FAM167A: variants seen among roughly 807,000 people sequenced by gnomAD.
FAM167A encodes the protein family with sequence similarity 167 member A, also known as protein FAM167A.
A neutral mutation model predicts 14.9 loss-of-function variants in FAM167A; 23 were observed. The observed-to-expected ratio is 1.55, with a 90% CI of 1.11 to 2.19. The LOEUF (loss-of-function observed/expected upper bound fraction) is 2.19. FAM167A is among the 30% of genes most tolerant of loss of function. FAM167A has a pLI of 0.00. For synonymous variants in FAM167A, 174 were observed against 117.7 expected (o/e 1.48, Z -3.10); for missense variants, 401 against 281.5 (o/e 1.42, Z -3.04).
At chr8:11,439,606 G>T (rs561147085) in intron 2 of FAM167A, among the ~76,000 whole-genome samples, 2 of 152,260 alleles carry the variant, frequency 1.3e-5, no homozygotes, top group South Asian at 2.1e-4. Flanking sequence ...TCCTTGGTGC[G>T]GGGGGAGGGA....
intron 1 of FAM167A, among the ~76,000 whole-genome samples, chr8:11,448,210 A>G (rs1232341703): frequency 6.6e-6 from 1 of 151,804 alleles, no homozygotes; most frequent in Non-Finnish European, 1.5e-5. Flanking sequence ...AAAAAAAAAA[A>G]AAGTTCTAAG....
intron 2 of FAM167A, among the ~76,000 whole-genome samples, chr8:11,431,407 C>T (rs1020021589): frequency 3.3e-5 from 5 of 152,142 alleles, no homozygotes; most frequent in Admixed American, 6.5e-5. Flanking sequence ...GGGGAGTTAG[C>T]GTTTAGTGAG....
intron 1 of FAM167A, among the ~76,000 whole-genome samples, chr8:11,448,056 T>G (rs1359952244): frequency 6.6e-6 from 1 of 152,034 alleles, no homozygotes; most frequent in Non-Finnish European, 1.5e-5. Context: ...TAGCTGGGCG[T>G]AGTGGCGCAC....
chr8:11,470,890 C>T (rs993089303), upstream of FAM167A, among the ~76,000 whole-genome samples: 1 of 152,104 alleles, frequency 6.6e-6, no homozygotes, highest in Non-Finnish European at 1.5e-5. Context: ...GCTGCAATGG[C>T]TCCTCCCTGC....
upstream of FAM167A, among the ~76,000 whole-genome samples, chr8:11,469,917 T>TAAAA (rs1457436423): frequency 7.0e-6 from 1 of 143,730 alleles, no homozygotes; most frequent in Non-Finnish European, 1.6e-5. Context: ...AATAAATAAA[T>TAAAA]AAATAAAAGA....
At chr8:11,445,324 C>A (rs9792227) in intron 1 of FAM167A, 330,904 of 985,812 alleles carry the variant, frequency 0.34, 56,458 homozygotes, top group East Asian at 0.66. Flanking sequence ...CCCCTCACCA[C>A]CTCCACCCAC....
At chr8:11,446,806 C>G (rs905868715) in intron 1 of FAM167A, among the ~76,000 whole-genome samples, 26 of 152,218 alleles carry the variant, frequency 1.7e-4, no homozygotes, top group African/African-American at 6.3e-4. Context: ...CAGCTGCTTT[C>G]TGGGGCCCCT....
intron 1 of FAM167A, among the ~76,000 whole-genome samples, chr8:11,464,843 G>A (rs954593791): frequency 6.6e-6 from 1 of 152,126 alleles, no homozygotes; most frequent in African/African-American, 2.4e-5. Flanking sequence ...ATTGGCCTGG[G>A]GCTCTGTGGC....
intron 2 of FAM167A, among the ~76,000 whole-genome samples, chr8:11,440,153 G>A (rs1053446835): frequency 5.3e-5 from 8 of 152,218 alleles, no homozygotes; most frequent in Non-Finnish European, 1.2e-4. Flanking sequence ...CCCTGAGCCA[G>A]TGTCCCAGGA....
chr8:11,471,342 G>A (rs574221580), upstream of FAM167A, among the ~76,000 whole-genome samples: 95 of 152,296 alleles, frequency 6.2e-4, 2 homozygotes, highest in South Asian at 0.018. Flanking sequence ...AGGAAGGAGC[G>A]CATCACGGCT....
At chr8:11,457,531 C>G (rs1807382410) in intron 1 of FAM167A, among the ~76,000 whole-genome samples, 1 of 152,044 alleles carries the variant, frequency 6.6e-6, no homozygotes, top group Non-Finnish European at 1.5e-5. Context: ...GTGTGTCCCA[C>G]CCTTGAGGAT....
intron 2 of FAM167A, among the ~76,000 whole-genome samples, chr8:11,431,746 T>C (rs1429934998): frequency 2.6e-5 from 4 of 151,090 alleles, no homozygotes; most frequent in African/African-American, 4.9e-5. Context: ...GCCTGGACAG[T>C]TGGAGGGTGG....
chr8:11,422,371 G>GTGTGTGTGTGTGT lies in FAM167A; in HGVS notation c.*2001_*2002insACACACACACACA, dbSNP rs1563350099. The stretch of plus-strand genomic sequence containing the variant: ...GTTCTCTGTCGTGTGTGTGTGTGTG[G>GTGTGTGTGTGTGT]GGGTGTGTGTGTGTGTGTGTGTGTG... On this transcript the variant is annotated 3_prime_UTR_variant, in exon 3 of 3. Coordinates refer to ENST00000284486, the MANE Select transcript of FAM167A (RefSeq NM_053279.3). The GTGTGTGTGTGTGT allele has an allele frequency of 1.2e-5, 1 of 84,800 alleles. No individual in the cohort carries two copies. Among genetic ancestry groups the GTGTGTGTGTGTGT allele is most frequent in the Non-Finnish European group, 2.7e-5 (1 of 36,996 alleles). The allele number at this position is 84,800 out of a possible 1,614,324, so 5.3% of individuals were successfully genotyped here.
rs542141472 is a variant in FAM167A, at chr8:11,421,747, A to G, written c.*2626T>C. The G allele has an allele frequency of 1.3e-4, 50 of 398,990 alleles. No homozygotes were observed. The highest frequency in any genetic ancestry group is 8.8e-4 in the African/African-American group (43 of 48,714). 24.7% of individuals were successfully genotyped at this position (398,990 alleles called of 1,614,324 possible). ...AGTGTCGGTGGAGAGTTTGCGTTTT[A>G]CACCCAGCGATGCTTGGGGATGGCA... On this transcript the variant is annotated 3_prime_UTR_variant, in exon 3 of 3. Transcript: ENST00000284486.
At chr8:11,453,471 A>G (rs1194506183) in intron 1 of FAM167A, among the ~76,000 whole-genome samples, 1 of 152,234 alleles carries the variant, frequency 6.6e-6, no homozygotes, top group East Asian at 1.9e-4. Flanking sequence ...TGATTGTCCC[A>G]TTACACAGAT....
chr8:11,474,031 G>T (rs1036268457), intron 1 of FAM167A, among the ~76,000 whole-genome samples: 2 of 152,018 alleles, frequency 1.3e-5, no homozygotes, highest in African/African-American at 4.8e-5. Flanking sequence ...GCGCCACCAT[G>T]CCCGGCTAAT....
At chr8:11,471,758 C>A (rs899194042), upstream of FAM167A, among the ~76,000 whole-genome samples, 37 of 152,208 alleles carry the variant, frequency 2.4e-4, no homozygotes, top group Non-Finnish European at 5.9e-5. Flanking sequence ...AATCCACTCC[C>A]TCCTTTCCAC....
chr8:11,445,679 C>A (rs1233329016), intron 1 of FAM167A: 1 of 936,604 alleles, frequency 1.1e-6, no homozygotes, highest in Non-Finnish European at 1.3e-6. Flanking sequence ...GGGTAGAAAT[C>A]TAACTCCCAG....
chr8:11,446,011 C>G (rs1045066675), intron 1 of FAM167A, among the ~76,000 whole-genome samples: 1 of 135,360 alleles, frequency 7.4e-6, no homozygotes, highest in African/African-American at 2.8e-5. Context: ...TAAAAACATC[C>G]CGGCCAAAAA....
Sources: allele counts gnomAD v4.1 joint callset (sites outside exome capture counted in the v4.1 genomes callset), GRCh38; gene constraint gnomAD v4.1.1; transcripts MANE v1.5; gene names NCBI Gene and HGNC (gene_info 2026-07-23, HGNC 2026-07-21).